IMMP2L: variants seen among roughly 807,000 people sequenced by gnomAD.
IMMP2L encodes the protein inner mitochondrial membrane peptidase subunit 2.
Under a neutral mutation model 19.3 loss-of-function variants are expected in IMMP2L, and 18 were observed. The observed-to-expected ratio is 0.93, with a 90% CI of 0.64 to 1.38. The LOEUF (loss-of-function observed/expected upper bound fraction) is 1.38. Ranked by LOEUF, IMMP2L falls within the 40% of genes most tolerant of loss-of-function variation. IMMP2L has a pLI of 0.00. For missense variants in IMMP2L, 233 were observed against 218.2 expected (o/e 1.07, Z -0.43); for synonymous variants, 76 against 73.0 (o/e 1.04, Z -0.21).
chr7:110,934,051 T>C (rs546558676), intron 4 of IMMP2L, among the ~76,000 whole-genome samples: 2 of 152,324 alleles, frequency 1.3e-5, no homozygotes, highest in East Asian at 1.9e-4. Context: ...TTTGTTCTTA[T>C]TGGTTTCAAA....
At chr7:111,400,672 C>T (rs1335760410) in intron 3 of IMMP2L, among the ~76,000 whole-genome samples, 2 of 151,942 alleles carry the variant, frequency 1.3e-5, no homozygotes, top group Non-Finnish European at 2.9e-5. Context: ...AGATATACTG[C>T]ATGGCTTATT....
chr7:111,286,591 G>C (rs1156933229), intron 3 of IMMP2L, among the ~76,000 whole-genome samples: 12 of 152,106 alleles, frequency 7.9e-5, no homozygotes, highest in Non-Finnish European at 2.9e-5. Flanking sequence ...GTTTTGATAA[G>C]GACAAAGTGG....
chr7:111,270,297 C>T (rs1344861086), intron 3 of IMMP2L, among the ~76,000 whole-genome samples: 1 of 152,090 alleles, frequency 6.6e-6, no homozygotes, highest in East Asian at 1.9e-4. Flanking sequence ...ACCTGTCTCC[C>T]ATTATGATAA....
At chr7:111,338,334 C>T (rs1826663397) in intron 3 of IMMP2L, among the ~76,000 whole-genome samples, 1 of 151,892 alleles carries the variant, frequency 6.6e-6, no homozygotes, top group Non-Finnish European at 1.5e-5. Context: ...TCCTCCCCCC[C>T]TTTTTTTGCT....
At chr7:111,108,955 G>A (rs1401092974) in intron 3 of IMMP2L, among the ~76,000 whole-genome samples, 3 of 152,114 alleles carry the variant, frequency 2.0e-5, no homozygotes, top group Non-Finnish European at 4.4e-5. Flanking sequence ...CCATAGCTCT[G>A]AATAAAACGG....
chr7:111,274,284 C>T (rs1484249518), intron 3 of IMMP2L, among the ~76,000 whole-genome samples: 1 of 152,140 alleles, frequency 6.6e-6, no homozygotes, highest in African/African-American at 2.4e-5. Flanking sequence ...AACATTAAAA[C>T]TTCCATTAAA....
intron 5 of IMMP2L, chr7:110,664,683 T>C (rs1032658895): frequency 1.3e-5 from 2 of 152,186 alleles, no homozygotes; most frequent in Non-Finnish European, 2.9e-5. Context: ...GAAATCTGTG[T>C]TTTTAAAAAA....
At chr7:111,506,470 T>C (rs578105605) in intron 2 of IMMP2L, among the ~76,000 whole-genome samples, 19 of 152,272 alleles carry the variant, frequency 1.2e-4, no homozygotes, top group Admixed American at 3.3e-4. Flanking sequence ...CAATCTCAGC[T>C]CACTGCAACC....
At chr7:111,317,921 CATTT>C (rs1824281556) in intron 3 of IMMP2L, among the ~76,000 whole-genome samples, 1 of 152,098 alleles carries the variant, frequency 6.6e-6, no homozygotes, top group Admixed American at 6.5e-5. Context: ...TACATGGTCT[CATTT>C]TCCTTTACTT....
At chr7:111,142,075 C>T (rs1430033884) in intron 3 of IMMP2L, among the ~76,000 whole-genome samples, 3 of 152,042 alleles carry the variant, frequency 2.0e-5, no homozygotes, top group East Asian at 1.9e-4. Flanking sequence ...CCTCTAATAC[C>T]ACCACTTTAG....
At chr7:111,511,134 C>T (rs1421912350) in intron 2 of IMMP2L, among the ~76,000 whole-genome samples, 1 of 152,082 alleles carries the variant, frequency 6.6e-6, no homozygotes, top group African/African-American at 2.4e-5. Flanking sequence ...ATCCATTCAT[C>T]ATTAGTCATC....
chr7:111,242,817 T>A (rs933635882), intron 3 of IMMP2L, among the ~76,000 whole-genome samples: 2 of 152,070 alleles, frequency 1.3e-5, no homozygotes, highest in African/African-American at 4.8e-5. Flanking sequence ...AATTTGTCTA[T>A]AAATTTATAA....
intron 5 of IMMP2L, among the ~76,000 whole-genome samples, chr7:110,730,559 C>T (rs969496537): frequency 4.0e-5 from 6 of 150,028 alleles, no homozygotes; most frequent in East Asian, 2.0e-4. Context: ...GACGGAGTCT[C>T]GCTCTGTTGC....
chr7:110,849,309 CAAGAA>C (rs1236935524), intron 5 of IMMP2L, among the ~76,000 whole-genome samples: 1 of 152,004 alleles, frequency 6.6e-6, no homozygotes, highest in African/African-American at 2.4e-5. Context: ...GAGTAACTTA[CAAGAA>C]ATGAACAGAA....
chr7:111,332,443 C>G (rs1225554849), intron 3 of IMMP2L, among the ~76,000 whole-genome samples: 1 of 151,844 alleles, frequency 6.6e-6, no homozygotes, highest in Non-Finnish European at 1.5e-5. Flanking sequence ...CAAAGAAGGA[C>G]ACGTTTTAAC....
intron 3 of IMMP2L, among the ~76,000 whole-genome samples, chr7:111,069,296 T>A (rs1414218692): frequency 1.3e-5 from 2 of 152,150 alleles, no homozygotes; most frequent in African/African-American, 4.8e-5. Context: ...CAAGCTGCAG[T>A]AGAAATGTTG....
At chr7:110,902,578 C>T (rs258988) in intron 4 of IMMP2L, among the ~76,000 whole-genome samples, 84,488 of 149,468 alleles carry the variant, frequency 0.57, 26,270 homozygotes, top group African/African-American at 0.81. Context: ...AACCACCAAA[C>T]GTAGGTTGTA....
At chr7:111,128,016 G>A (rs1380680164) in intron 3 of IMMP2L, among the ~76,000 whole-genome samples, 1 of 151,956 alleles carries the variant, frequency 6.6e-6, no homozygotes, top group African/African-American at 2.4e-5. Context: ...ATTTCACCAA[G>A]AAAGAAATGA....
intron 4 of IMMP2L, among the ~76,000 whole-genome samples, chr7:110,916,548 T>C (rs1176899441): frequency 1.3e-5 from 2 of 152,206 alleles, no homozygotes; most frequent in Non-Finnish European, 1.5e-5. Flanking sequence ...AGTTCTGTTA[T>C]AAAATGGGAC....
Sources: allele counts gnomAD v4.1 joint callset (sites outside exome capture counted in the v4.1 genomes callset), GRCh38; gene constraint gnomAD v4.1.1; transcripts MANE v1.5; gene names NCBI Gene and HGNC (gene_info 2026-07-23, HGNC 2026-07-21).